The following CALN1 variants were observed in gnomAD, a reference collection of about 807,000 sequenced individuals.
CALN1 encodes calcium-binding protein 8.
In CALN1, 17 loss-of-function variants were observed where a neutral mutation model predicts 30.6. That is an observed-to-expected ratio of 0.56 (90% CI 0.38 to 0.83). The LOEUF (loss-of-function observed/expected upper bound fraction) is 0.83, where lower values mean the gene tolerates loss of function less well. Among genes scored for constraint, CALN1 ranks in the 40% least tolerant of loss-of-function variants. The probability of loss-of-function intolerance (pLI) is 0.00; values close to 1 mark genes in which losing one functional copy is unlikely to be tolerated. For synonymous variants in CALN1, 156 were observed against 131.4 expected (o/e 1.19, Z -1.28); for missense variants, 291 against 354.9 (o/e 0.82, Z 1.45).
At chr7:71,888,487 C>CA (rs138548334) in intron 5 of CALN1, among the ~76,000 whole-genome samples, 1 of 125,282 alleles carries the variant, frequency 8.0e-6, no homozygotes, top group African/African-American at 2.9e-5. Flanking sequence ...AGCAAAAAAA[C>CA]AAAAAAACAA....
At chr7:72,429,829 A>G (rs1807917168) in intron 1 of CALN1, among the ~76,000 whole-genome samples, 2 of 150,662 alleles carry the variant, frequency 1.3e-5, no homozygotes, top group African/African-American at 4.9e-5. Context: ...GTGTCTATAT[A>G]TATATTTGAG....
At chr7:72,403,208 G>A (rs370618354) in intron 2 of CALN1, 43 bp downstream of exon 2, 17 of 1,489,992 alleles carry the variant, frequency 1.1e-5, no homozygotes, top group African/African-American at 5.6e-5. Context: ...CCTGAGGGCT[G>A]CCAAACAATC....
At chr7:72,431,470 T>C (rs1807977139) in intron 1 of CALN1, among the ~76,000 whole-genome samples, 1 of 152,018 alleles carries the variant, frequency 6.6e-6, no homozygotes, top group African/African-American at 2.4e-5. Context: ...GCAGCCTCTA[T>C]TGCCACTCCG....
chr7:72,000,632 T>C (rs1381860797), intron 5 of CALN1, among the ~76,000 whole-genome samples: 3 of 152,126 alleles, frequency 2.0e-5, no homozygotes, highest in Non-Finnish European at 4.4e-5. Context: ...ATCTCTCCCA[T>C]AAACAGTTTT....
chr7:72,191,783 AATGGGTTTC>A (rs1228282896), intron 3 of CALN1, among the ~76,000 whole-genome samples: 5 of 152,070 alleles, frequency 3.3e-5, no homozygotes, highest in Admixed American at 6.6e-5. Flanking sequence ...CAAAGTCTGA[AATGGGTTTC>A]ATTATCTGGC....
At chr7:72,435,489 C>T (rs1048291703) in intron 1 of CALN1, among the ~76,000 whole-genome samples, 6 of 152,186 alleles carry the variant, frequency 3.9e-5, no homozygotes, top group African/African-American at 4.8e-5. Flanking sequence ...CCTCGGCCTG[C>T]GGGGGCCTCC....
intron 3 of CALN1, among the ~76,000 whole-genome samples, chr7:72,197,886 C>T (rs1244999121): frequency 6.6e-6 from 1 of 151,746 alleles, no homozygotes; most frequent in African/African-American, 2.4e-5. Context: ...ATTAAAAATA[C>T]ATAAAAATAA....
At chr7:72,305,469 C>A (rs139552249) in intron 2 of CALN1, among the ~76,000 whole-genome samples, 10 of 152,296 alleles carry the variant, frequency 6.6e-5, no homozygotes, top group East Asian at 1.9e-4. Flanking sequence ...AAGATCCCCA[C>A]GTAAAGTGGT....
At chr7:72,237,227 G>A (rs1183644870) in intron 3 of CALN1, among the ~76,000 whole-genome samples, 4 of 152,004 alleles carry the variant, frequency 2.6e-5, no homozygotes, top group African/African-American at 7.2e-5. Flanking sequence ...CAGGTGATCC[G>A]CCCGGCTCAG....
rs546874198 is a variant in CALN1 at position 71,957,071 on chromosome 7, G to A, written c.501+66586C>T. On this transcript the variant is annotated intron_variant, in intron 5 of 6. Transcript: ENST00000395275. The stretch of plus-strand genomic sequence containing the variant: ...AGCTTTATGAATTGGTGGGGAGGTG[G>A]TGAAAGCGAAATGAGACACCGAGAG... Among the ~76,000 whole-genome samples, 3 of 151,900 alleles carry A rather than the reference G, an allele frequency of 2.0e-5. No homozygotes were observed. In the East Asian group the frequency reaches 5.8e-4, roughly 29 times the overall value.
chr7:72,085,246 G>T (rs1024073552), intron 4 of CALN1, among the ~76,000 whole-genome samples: 2 of 152,120 alleles, frequency 1.3e-5, no homozygotes, highest in Non-Finnish European at 2.9e-5. Context: ...AGGCTGAGGT[G>T]CAAGGATTGC....
At chr7:72,380,523 T>C (rs1324551059) in intron 2 of CALN1, among the ~76,000 whole-genome samples, 2 of 152,300 alleles carry the variant, frequency 1.3e-5, no homozygotes, top group East Asian at 3.9e-4. Context: ...CTCAGGAGGC[T>C]GAGGCAGGAG....
chr7:71,922,555 C>CAGAAT (rs1795004431), intron 5 of CALN1, among the ~76,000 whole-genome samples: 1 of 114,598 alleles, frequency 8.7e-6, no homozygotes, highest in African/African-American at 3.8e-5. Flanking sequence ...ATATAACACA[C>CAGAAT]AGATTATATA....
rs940820320 is a variant in CALN1 at position 71,887,576 on chromosome 7, G to A, written c.502-77084C>T. Among the ~76,000 whole-genome samples the A allele has an allele frequency of 2.6e-5, 4 of 152,322 alleles. No individual in the cohort carries two copies. The East Asian group carries it at 7.7e-4, about 29-fold the overall frequency. Reference sequence around the variant, plus strand: ...GGCCTCCCAAAGTGCTGGGATTACAGGCATGAGCCACTGCACCTAGCCCAT... The same window carrying A: ...GGCCTCCCAAAGTGCTGGGATTACAAGCATGAGCCACTGCACCTAGCCCAT... On this transcript the variant is annotated intron_variant, in intron 5 of 6. Transcript: ENST00000395275.
In CALN1 at chr7:72,117,124, G is replaced by C. The variant is rs369003013; in HGVS notation, c.245-10830C>G. Among the ~76,000 whole-genome samples the C allele has an allele frequency of 1.4e-4, 22 of 152,120 alleles. No homozygotes were observed. The East Asian group carries it at 3.3e-3, about 23-fold the overall frequency. ...GACCAGGAATTCAAGACTAACCTGG[G>C]CAACATAGTGAGACCCCATCTCTAC... On this transcript the variant is annotated intron_variant, in intron 3 of 6. Transcript: ENST00000395275.
At chr7:72,288,201 A>G (rs905067014) in intron 2 of CALN1, among the ~76,000 whole-genome samples, 3 of 152,076 alleles carry the variant, frequency 2.0e-5, no homozygotes, top group Non-Finnish European at 4.4e-5. Context: ...GTGCACTCAC[A>G]TAGCTTTGTT....
At chr7:72,255,642 C>G (rs1795858899) in intron 3 of CALN1, among the ~76,000 whole-genome samples, 1 of 150,076 alleles carries the variant, frequency 6.7e-6, no homozygotes, top group Non-Finnish European at 1.5e-5. Flanking sequence ...TCTTGAACTC[C>G]TGACCTCAAG....
intron 3 of CALN1, among the ~76,000 whole-genome samples, chr7:72,149,359 T>G (rs760216346): frequency 2.6e-5 from 4 of 151,862 alleles, no homozygotes; most frequent in Non-Finnish European, 4.4e-5. Flanking sequence ...TCCCACCTAC[T>G]AGAGAAGCTG....
intron 3 of CALN1, among the ~76,000 whole-genome samples, chr7:72,278,044 G>A (rs1362351628): frequency 8.2e-6 from 1 of 121,522 alleles, no homozygotes; most frequent in Non-Finnish European, 1.9e-5. Context: ...TTTTTAATTA[G>A]AGGATTGGTT....
Sources: allele counts gnomAD v4.1 joint callset (sites outside exome capture counted in the v4.1 genomes callset), GRCh38; gene constraint gnomAD v4.1.1; transcripts MANE v1.5; gene names NCBI Gene and HGNC (gene_info 2026-07-23, HGNC 2026-07-21).